LSAMP: variants seen among roughly 807,000 people sequenced by gnomAD.
The protein encoded by LSAMP is limbic system-associated membrane protein.
A neutral mutation model predicts 38.6 loss-of-function variants in LSAMP; 7 were observed. That is an observed-to-expected ratio of 0.18 (90% CI 0.10 to 0.34). LSAMP has a LOEUF of 0.34. Ranked by LOEUF, LSAMP falls within the 10% of genes least tolerant of loss-of-function variation. The pLI, the probability that LSAMP is intolerant of heterozygous loss-of-function variation, is 1.00. For synonymous variants in LSAMP, 154 were observed against 166.8 expected, an observed-to-expected ratio of 0.92 and a Z score of 0.59; for missense variants, 313 against 420.0, an observed-to-expected ratio of 0.75 and a Z score of 2.23.
intron 1 of LSAMP, among the ~76,000 whole-genome samples, chr3:116,221,844 A>AGCGTGTGTGT (rs1553714882): frequency 4.8e-5 from 7 of 145,480 alleles, no homozygotes; most frequent in Non-Finnish European, 7.5e-5. Context: ...CCTAAAAAGA[A>AGCGTGTGTGT]GTGTGTGTGT....
intron 1 of LSAMP, among the ~76,000 whole-genome samples, chr3:116,435,151 G>A (rs1245312605): frequency 2.6e-5 from 4 of 152,132 alleles, no homozygotes; most frequent in Admixed American, 6.6e-5. Context: ...AGAGCTCCGT[G>A]CTCTGAGATT....
chr3:115,953,503 A>G (rs1234934599), intron 3 of LSAMP, among the ~76,000 whole-genome samples: 1 of 151,930 alleles, frequency 6.6e-6, no homozygotes, highest in Admixed American at 6.6e-5. Context: ...GTTTTCTGCA[A>G]TATTATCTGC....
At chr3:115,899,427 T>C (rs555358053) in intron 3 of LSAMP, among the ~76,000 whole-genome samples, 94 of 152,294 alleles carry the variant, frequency 6.2e-4, no homozygotes, top group Admixed American at 1.1e-3. Flanking sequence ...TCACAATTCC[T>C]ATAAATCACC....
At chr3:116,228,807 C>A (rs970964722) in intron 1 of LSAMP, among the ~76,000 whole-genome samples, 30 of 151,970 alleles carry the variant, frequency 2.0e-4, no homozygotes, top group African/African-American at 7.2e-4. Context: ...AGCATTAATC[C>A]CCTCTGTACT....
chr3:115,872,455 C>A (rs757360764), intron 3 of LSAMP, among the ~76,000 whole-genome samples: 10 of 151,816 alleles, frequency 6.6e-5, no homozygotes, highest in African/African-American at 7.3e-5. Context: ...AGAAGGGGAT[C>A]AAGAGGGAAA....
chr3:116,282,765 C>A (rs2047143016), intron 1 of LSAMP, among the ~76,000 whole-genome samples: 1 of 151,896 alleles, frequency 6.6e-6, no homozygotes, highest in Non-Finnish European at 1.5e-5. Context: ...TCCCCCCACC[C>A]CCCAAAAAAA....
chr3:115,854,731 T>C (rs1935453464), intron 3 of LSAMP, among the ~76,000 whole-genome samples: 1 of 152,134 alleles, frequency 6.6e-6, no homozygotes, highest in South Asian at 2.1e-4. Context: ...CTGCATATTG[T>C]TTCTATGCAC....
chr3:116,000,904 C>G (rs1283129692), intron 3 of LSAMP, among the ~76,000 whole-genome samples: 2 of 152,176 alleles, frequency 1.3e-5, no homozygotes, highest in African/African-American at 4.8e-5. Flanking sequence ...CCTTTTATCT[C>G]TCATTCTATT....
chr3:116,310,861 GTTATAAC>G (rs1040617332), intron 1 of LSAMP, among the ~76,000 whole-genome samples: 4 of 150,390 alleles, frequency 2.7e-5, no homozygotes, highest in African/African-American at 9.8e-5. Flanking sequence ...AATATTGATA[GTTATAAC>G]TTAAAATGGT....
At chr3:115,947,702 T>C (rs1938147707) in intron 3 of LSAMP, among the ~76,000 whole-genome samples, 1 of 152,206 alleles carries the variant, frequency 6.6e-6, no homozygotes, top group Non-Finnish European at 1.5e-5. Context: ...AATTCATAAA[T>C]TATTCCTATA....
intron 1 of LSAMP, among the ~76,000 whole-genome samples, chr3:116,399,985 A>T (rs1461130472): frequency 1.3e-5 from 2 of 152,218 alleles, no homozygotes; most frequent in Non-Finnish European, 2.9e-5. Flanking sequence ...TGCAAAACTG[A>T]TGTTTAAAAA....
intron 6 of LSAMP, chr3:115,834,522 G>T (rs771321390): frequency 7.9e-7 from 1 of 1,262,150 alleles, no homozygotes; most frequent in South Asian, 1.2e-5. Flanking sequence ...GATGGAGAAT[G>T]ACCCAGGAAG....
chr3:116,198,178 G>T (rs1458710181), intron 1 of LSAMP, among the ~76,000 whole-genome samples: 3 of 152,236 alleles, frequency 2.0e-5, no homozygotes, highest in African/African-American at 7.2e-5. Context: ...TAGGAAATCA[G>T]ATGGGAAGTT....
At chr3:116,076,582 T>C (rs1707749257) in intron 2 of LSAMP, among the ~76,000 whole-genome samples, 1 of 152,192 alleles carries the variant, frequency 6.6e-6, no homozygotes, top group South Asian at 2.1e-4. Flanking sequence ...AAGTTGGTTA[T>C]TTATGCCTGT....
chr3:115,963,632 C>T (rs79238630), intron 3 of LSAMP, among the ~76,000 whole-genome samples: 7 of 152,106 alleles, frequency 4.6e-5, no homozygotes, highest in Admixed American at 6.5e-5. Flanking sequence ...TACTTGAAAT[C>T]GGTGTAAGAG....
At chr3:116,304,015 A>T (rs2047448960) in intron 1 of LSAMP, among the ~76,000 whole-genome samples, 1 of 152,096 alleles carries the variant, frequency 6.6e-6, no homozygotes, top group Admixed American at 6.6e-5. Flanking sequence ...AGGGGTAATA[A>T]ATGATTTTTA....
chr3:116,415,330 G>A (rs998232527), intron 1 of LSAMP, among the ~76,000 whole-genome samples: 10 of 151,992 alleles, frequency 6.6e-5, no homozygotes, highest in African/African-American at 1.5e-4. Context: ...AATGGTTGCC[G>A]GACAAGGTAA....
intron 1 of LSAMP, among the ~76,000 whole-genome samples, chr3:116,202,546 A>C (rs1329305705): frequency 1.3e-5 from 2 of 151,864 alleles, no homozygotes; most frequent in African/African-American, 4.8e-5. Context: ...CCAGGCTCGA[A>C]TTATTGTTCC....
chr3:116,420,851 T>C (rs2049112764), intron 1 of LSAMP, among the ~76,000 whole-genome samples: 1 of 152,120 alleles, frequency 6.6e-6, no homozygotes, highest in Admixed American at 6.5e-5. Flanking sequence ...CACTCTAGCA[T>C]GGGTGACAGA....
Sources: allele counts gnomAD v4.1 joint callset (sites outside exome capture counted in the v4.1 genomes callset), GRCh38; gene constraint gnomAD v4.1.1; transcripts MANE v1.5; gene names NCBI Gene and HGNC (gene_info 2026-07-23, HGNC 2026-07-21).